The following LRBA variants were observed in gnomAD, a reference collection of about 807,000 sequenced individuals.
LRBA encodes lipopolysaccharide-responsive and beige-like anchor protein.
Under a neutral mutation model 330.0 loss-of-function variants are expected in LRBA, and 176 were observed. The observed-to-expected ratio is 0.53, with a 90% CI of 0.47 to 0.60. The LOEUF (loss-of-function observed/expected upper bound fraction) is 0.60, where lower values mean the gene tolerates loss of function less well. Ranked by LOEUF, LRBA falls within the 20% of genes least tolerant of loss-of-function variation. The pLI is 0.00. For synonymous variants in LRBA, 1,230 were observed against 1,193.0 expected, an observed-to-expected ratio of 1.03 and a Z score of -0.64; for missense variants, 3,259 against 3,444.8, an observed-to-expected ratio of 0.95 and a Z score of 1.35.
intron 33 of LRBA, among the ~76,000 whole-genome samples, chr4:150,805,351 GAAAGA>G (rs1742493114): frequency 8.9e-6 from 1 of 112,708 alleles, no homozygotes; most frequent in Non-Finnish European, 1.8e-5. Flanking sequence ...GAAGGAGAAG[GAAAGA>G]AAAGGAAAGG....
chr4:150,760,587 T>C (rs986972080), intron 35 of LRBA, among the ~76,000 whole-genome samples: 1 of 151,714 alleles, frequency 6.6e-6, no homozygotes, highest in South Asian at 2.1e-4. Context: ...ACGAATATCC[T>C]GTACACCTTC....
chr4:150,674,322 T>C (rs556101467), intron 37 of LRBA, among the ~76,000 whole-genome samples: 1 of 151,936 alleles, frequency 6.6e-6, no homozygotes, highest in East Asian at 1.9e-4. Context: ...ACCCAAGTAT[T>C]TCAGAATACA....
chr4:150,981,560 ATGG>A (rs1041283097), intron 2 of LRBA, among the ~76,000 whole-genome samples: 1 of 152,162 alleles, frequency 6.6e-6, no homozygotes, highest in African/African-American at 2.4e-5. Flanking sequence ...CCAAAACAGC[ATGG>A]TACTAGCACA....
intron 2 of LRBA, among the ~76,000 whole-genome samples, chr4:151,006,881 T>C (rs1744127845): frequency 6.6e-6 from 1 of 152,162 alleles, no homozygotes; most frequent in Non-Finnish European, 1.5e-5. Context: ...TATTAATATA[T>C]AACCAATAAT....
In LRBA at chr4:150,415,459, T is replaced by C; in HGVS notation, c.7173A>G (p.Glu2391=). 2 of 1,613,574 alleles carry C rather than the reference T, an allele frequency of 1.2e-6. No individual in the cohort carries two copies. The highest frequency in any genetic ancestry group is 1.7e-6 in the Non-Finnish European group (2 of 1,179,758). The change falls in exon 47 of 57, where the codon GAA becomes GAG. Residue 2391 remains glutamate, a synonymous_variant. Coordinates refer to ENST00000651943, the MANE Select transcript of LRBA (RefSeq NM_001364905.1). Reference sequence around the variant, plus strand: ...TTACCAATCTGTTTATGTGAACAAATTCTTCTGAGGTTTTGGCCCAAGGAG... The same window carrying C: ...TTACCAATCTGTTTATGTGAACAAACTCTTCTGAGGTTTTGGCCCAAGGAG... ...ELPPWAKTSE[E]FVHINRLALE...
intron 37 of LRBA, among the ~76,000 whole-genome samples, chr4:150,610,417 G>A (rs1233836572): frequency 6.6e-6 from 1 of 152,158 alleles, no homozygotes; most frequent in Non-Finnish European, 1.5e-5. Flanking sequence ...GCGAAAACTC[G>A]TCTCTACTAA....
chr4:150,897,926 T>A, intron 14 of LRBA, 108 bp from the exon 15 acceptor site: 2 of 722,382 alleles, frequency 2.8e-6, no homozygotes, highest in Non-Finnish European at 2.4e-6. Flanking sequence ...GTAAGAAATA[T>A]AAAGGTAGGT....
chr4:150,453,568 G>C (rs1384778939), intron 44 of LRBA, among the ~76,000 whole-genome samples: 1 of 152,174 alleles, frequency 6.6e-6, no homozygotes, highest in East Asian at 1.9e-4. Flanking sequence ...AATTCTGTTT[G>C]ATCCAAGTTG....
intron 2 of LRBA, among the ~76,000 whole-genome samples, chr4:150,983,626 G>C (rs1741105477): frequency 6.6e-6 from 1 of 151,448 alleles, no homozygotes; most frequent in Non-Finnish European, 1.5e-5. Flanking sequence ...CTAACTTTTT[G>C]TATTTTTTAG....
In LRBA at chr4:150,828,467, A is replaced by T; in HGVS notation, c.4884T>A (p.Pro1628=). The change falls in exon 30 of 57, where the codon CCT becomes CCA. Residue 1628 remains proline, a synonymous_variant. Transcript: ENST00000651943. Reference sequence around the variant, plus strand: ...TTGCATCTGGGCCTGCACTGACACCAGGAGGTGCTGTGTGAGGAGTTACTT... The same window carrying T: ...TTGCATCTGGGCCTGCACTGACACCTGGAGGTGCTGTGTGAGGAGTTACTT... The part of the protein sequence containing the change: ...HVEVTPHTAP[P]GVSAGPDAIS... 6.2e-7 allele frequency: 1 copy of T among 1,614,166 alleles called. No individual in the cohort carries two copies.
intron 47 of LRBA, among the ~76,000 whole-genome samples, chr4:150,374,870 C>T (rs757292989): frequency 2.6e-5 from 4 of 152,048 alleles, no homozygotes; most frequent in African/African-American, 4.8e-5. Flanking sequence ...CTTAAACATC[C>T]GAAAGAATAG....
At chr4:150,645,288 A>G (rs1490702083) in intron 37 of LRBA, among the ~76,000 whole-genome samples, 1 of 151,808 alleles carries the variant, frequency 6.6e-6, no homozygotes, top group African/African-American at 2.4e-5. Context: ...AGACATAATA[A>G]TGTTTCTTAA....
chr4:150,715,878 A>G (rs958475911), intron 36 of LRBA, among the ~76,000 whole-genome samples: 2 of 152,236 alleles, frequency 1.3e-5, no homozygotes, highest in East Asian at 3.8e-4. Context: ...TTTGAACATG[A>G]TAATATGAAG....
chr4:150,266,812 T>C (rs932282954), intron 56 of LRBA, among the ~76,000 whole-genome samples: 1 of 152,326 alleles, frequency 6.6e-6, no homozygotes, highest in East Asian at 1.9e-4. Context: ...ATATGCTGTC[T>C]ACAGGAGACC....
intron 35 of LRBA, among the ~76,000 whole-genome samples, chr4:150,747,733 C>T (rs530697230): frequency 5.3e-5 from 8 of 152,324 alleles, no homozygotes; most frequent in Middle Eastern, 3.4e-3. Context: ...TCATTGCCCA[C>T]TTTGCTACAT....
chr4:150,814,443 A>G (rs1455437710), intron 31 of LRBA, among the ~76,000 whole-genome samples: 8 of 152,030 alleles, frequency 5.3e-5, no homozygotes, highest in Admixed American at 5.2e-4. Context: ...TCAAGGCAGT[A>G]ATGTTCATGG....
chr4:150,770,165 C>T (rs1482873077), intron 34 of LRBA, among the ~76,000 whole-genome samples: 2 of 152,304 alleles, frequency 1.3e-5, no homozygotes, highest in South Asian at 2.1e-4. Flanking sequence ...ATCCTCTTCA[C>T]TTGCCCTCAC....
chr4:150,921,440 T>C (rs1382212685), intron 4 of LRBA, 147 bp from the exon 5 acceptor site: 1 of 599,404 alleles, frequency 1.7e-6, no homozygotes, highest in Non-Finnish European at 3.0e-6. Context: ...TATTTTCAAA[T>C]ATCTTAAAGA....
chr4:150,346,757 C>CCA (rs1206950764), intron 48 of LRBA, among the ~76,000 whole-genome samples: 1 of 66,152 alleles, frequency 1.5e-5, no homozygotes, highest in African/African-American at 7.8e-5. Context: ...GACTCTGTCT[C>CCA]AAAAAAAAAA....
Sources: gnomAD v4.1 joint callset for allele counts (sites outside exome capture counted in the v4.1 genomes callset) on GRCh38, gnomAD v4.1.1 for gene constraint, MANE v1.5 for transcripts, NCBI Gene and HGNC (gene_info 2026-07-23, HGNC 2026-07-21) for gene names.